The following POMZP3 variants were observed in gnomAD, a reference collection of about 807,000 sequenced individuals.
POMZP3 encodes the protein POM121 and ZP3 fusion protein.
POMZP3 carries 10 observed loss-of-function variants against 19.8 expected under a neutral mutation model. The observed-to-expected ratio is 0.51, with a 90% CI of 0.31 to 0.86. The LOEUF (loss-of-function observed/expected upper bound fraction) is 0.86, where lower values mean the gene tolerates loss of function less well. Ranked by LOEUF, POMZP3 falls within the 40% of genes least tolerant of loss-of-function variation. POMZP3 has a pLI of 0.04. For synonymous variants in POMZP3, 57 were observed against 85.8 expected, an observed-to-expected ratio of 0.66 and a Z score of 1.85; for missense variants, 152 against 228.1, an observed-to-expected ratio of 0.67 and a Z score of 2.15.
Position 76,611,707 on chromosome 7 carries a change from A to G in POMZP3, c.437+15T>C, listed in dbSNP as rs763097436. On this transcript the variant is annotated intron_variant, in intron 5 of 6. Coordinates refer to ENST00000310842, the MANE Select transcript of POMZP3 (RefSeq NM_012230.5). Reference sequence around the variant, plus strand: ...GATTCAGTTTCTACTCCAGTCACGGAGCACCTGTCCTCACCTGTTGGAAGG... The same window carrying G: ...GATTCAGTTTCTACTCCAGTCACGGGGCACCTGTCCTCACCTGTTGGAAGG... 1.4e-5 allele frequency: 20 copies of G among 1,457,056 alleles called. 1 individual carries two copies. The Admixed American group carries it at 3.4e-4, about 25-fold the overall frequency. 90.3% of individuals were successfully genotyped at this position (1,457,056 alleles called of 1,614,324 possible). A position where few individuals can be genotyped will look rare whatever the true frequency, so the allele number is the denominator to read the frequency against.
In POMZP3 at chr7:76,626,079, G is replaced by A. The variant is rs1313158685; in HGVS notation, c.-15C>T. 5 of 1,613,672 alleles carry A rather than the reference G, an allele frequency of 3.1e-6. No homozygotes were observed. In the African/African-American group the frequency reaches 4.0e-5, roughly 13 times the overall value. Reference sequence around the variant, plus strand: ...CTACACACCATCCTGGAGTTGCGAGGGGACAGCACAGCCTTCTTGTGATAA... The same window carrying A: ...CTACACACCATCCTGGAGTTGCGAGAGGACAGCACAGCCTTCTTGTGATAA... On this transcript the variant is annotated 5_prime_UTR_variant, in exon 2 of 7. Transcript: ENST00000310842.
At chr7:76,622,978 C>T (rs1269640314) in intron 3 of POMZP3, among the ~76,000 whole-genome samples, 2 of 151,656 alleles carry the variant, frequency 1.3e-5, no homozygotes, top group Non-Finnish European at 2.9e-5. Flanking sequence ...CTCAAGTGAT[C>T]CTCCCACCTC....
rs1171607906 is a variant in POMZP3, at chr7:76,613,991, A to G, written c.346-2178T>C. ...TTGCAGCAGAAGCCTCAGAGCCACA[A>G]GCCTCAGTCACCACCTAGTGGCCGA... On this transcript the variant is annotated intron_variant, in intron 4 of 6. Coordinates refer to ENST00000310842, the MANE Select transcript of POMZP3 (RefSeq NM_012230.5). Among the ~76,000 whole-genome samples, 2 of 90,604 alleles carry G rather than the reference A, an allele frequency of 2.2e-5. 1 individual carries two copies. Among genetic ancestry groups the G allele is most frequent in the East Asian group, 5.2e-4 (2 of 3,878 alleles). The allele number at this position is 90,604 out of a possible 152,430, so 59.4% of individuals were successfully genotyped here.
chr7:76,622,460 C>G (rs1309459115), intron 3 of POMZP3, among the ~76,000 whole-genome samples: 1 of 138,052 alleles, frequency 7.2e-6, no homozygotes, highest in African/African-American at 2.8e-5. Context: ...CTCACTGCAA[C>G]CTCCGCCCCA....
At chr7:76,624,634 CG>C (rs1330792651) in intron 3 of POMZP3, among the ~76,000 whole-genome samples, 1 of 147,298 alleles carries the variant, frequency 6.8e-6, no homozygotes, top group African/African-American at 2.5e-5. Context: ...TTAGTAGAGA[CG>C]GGGTTTCACC....
Position 76,626,830 on chromosome 7 carries a change from C to T in POMZP3, c.-274G>A. ...GCGGCGCCGGGCGGGCGGGCGGCGG[C>T]CAGGCCTATTCCGCAGGTCCTGGCC... On this transcript the variant is annotated 5_prime_UTR_variant, in exon 1 of 7. Transcript: ENST00000310842. The T allele has an allele frequency of 7.3e-7, 1 of 1,374,532 alleles. No homozygotes were observed. Among genetic ancestry groups the T allele is most frequent in the Non-Finnish European group, 9.3e-7 (1 of 1,074,992 alleles). 85.1% of individuals were successfully genotyped at this position (1,374,532 alleles called of 1,614,324 possible). A position where few individuals can be genotyped will look rare whatever the true frequency, so the allele number is the denominator to read the frequency against.
At chr7:76,610,876 A>AT (rs1195861217) in intron 6 of POMZP3, among the ~76,000 whole-genome samples, 5 of 101,930 alleles carry the variant, frequency 4.9e-5, no homozygotes, top group Admixed American at 2.8e-4. Context: ...CCAGATTATT[A>AT]TTATTTTTTT....
chr7:76,610,916 C>T (rs1186036057), intron 6 of POMZP3, among the ~76,000 whole-genome samples: 1 of 146,504 alleles, frequency 6.8e-6, no homozygotes, highest in Non-Finnish European at 1.5e-5. Context: ...CTCTTGTTGC[C>T]CAGGCTGGAG....
In POMZP3 at chr7:76,622,252, C is replaced by T. The variant is rs200079668; in HGVS notation, c.227+3270G>A. On this transcript the variant is annotated intron_variant, in intron 3 of 6. Coordinates refer to ENST00000310842, the MANE Select transcript of POMZP3 (RefSeq NM_012230.5). ...GAATGGTCATTCTTTCATTCCTCTA[C>T]TGTCTTAATAAACTTGCGTTCACTT... is the stretch of plus-strand genomic sequence containing the variant. Among the ~76,000 whole-genome samples, 1,826 of 151,918 alleles carry T rather than the reference C, an allele frequency of 0.012. 6 individuals carry two copies. In the East Asian group the frequency reaches 0.12, roughly 10 times the overall value.
At chr7:76,625,495 G>A (rs1815826377) in intron 3 of POMZP3, 27 bp downstream of exon 3, 1 of 1,608,894 alleles carries the variant, frequency 6.2e-7, no homozygotes, top group South Asian at 1.1e-5. Context: ...GCGGGAAACT[G>A]GCTTAGTACT....
In POMZP3 at chr7:76,611,475, G is replaced by A. The variant is rs766010654; in HGVS notation, c.554C>T (p.Ala185Val). The change falls in exon 6 of 7, where the codon GCT (alanine) becomes GTT (valine). Residue 185 changes from alanine to valine, a missense_variant. Physicochemically the swap from Ala to Val is moderately conservative, Grantham distance 64. Around this residue, in one of 4 missense-constraint regions of POMZP3, gnomAD observed 65 missense variants for 86.2 expected, o/e 0.75. Coordinates refer to ENST00000310842, the MANE Select transcript of POMZP3 (RefSeq NM_012230.5). ...ATACCATGCCTGCGGTTACAGGGAAGCAGACGTGGACCACTGGCTCACGAC... is the reference window on the plus strand; with the variant it reads ...ATACCATGCCTGCGGTTACAGGGAAACAGACGTGGACCACTGGCTCACGAC... ...PRVVSQWSTS[A>V]SL The A allele has an allele frequency of 1.2e-6, 2 of 1,601,618 alleles. No individual in the cohort carries two copies. The highest frequency in any genetic ancestry group is 1.7e-6 in the Non-Finnish European group (2 of 1,170,960).
rs192562971 is a variant in POMZP3 at position 76,611,462 on chromosome 7, C to G, written c.*3G>C. The stretch of plus-strand genomic sequence containing the variant: ...GCCATTCTATGACATACCATGCCTG[C>G]GGTTACAGGGAAGCAGACGTGGACC... On this transcript the variant is annotated 3_prime_UTR_variant, in exon 6 of 7. Transcript: ENST00000310842. The G allele has an allele frequency of 9.2e-4, 1,426 of 1,550,288 alleles. 40 individuals carry two copies. The African/African-American group carries it at 0.021, about 22-fold the overall frequency.
At chr7:76,624,279 T>C (rs1452990427) in intron 3 of POMZP3, among the ~76,000 whole-genome samples, 2 of 150,450 alleles carry the variant, frequency 1.3e-5, no homozygotes, top group Admixed American at 1.3e-4. Context: ...CCAGGCGTGG[T>C]GGCTCATGCC....
At chr7:76,621,706 T>C (rs1052115527) in intron 3 of POMZP3, among the ~76,000 whole-genome samples, 3 of 151,636 alleles carry the variant, frequency 2.0e-5, no homozygotes, top group African/African-American at 7.3e-5. Flanking sequence ...TTTGGGAGGC[T>C]GAGGCGGGCG....
chr7:76,624,744 C>G (rs1158485237), intron 3 of POMZP3, among the ~76,000 whole-genome samples: 1 of 151,164 alleles, frequency 6.6e-6, no homozygotes, highest in Non-Finnish European at 1.5e-5. Context: ...CCTTGCCCTT[C>G]CAGGAAATTG....
At position 76,624,666 on chromosome 7, in the gene POMZP3, G is replaced by A. The variant is rs572524094; in HGVS notation, c.227+856C>T. Among the ~76,000 whole-genome samples, 6 of 146,566 alleles carry A rather than the reference G, an allele frequency of 4.1e-5. No homozygotes were observed. The South Asian group carries it at 7.1e-4, about 17-fold the overall frequency. On this transcript the variant is annotated intron_variant, in intron 3 of 6. Transcript: ENST00000310842. ...TCACCATGTTGGCCAGGCTGGTCTC[G>A]AACTCCTGACCTCAGGTGATCCACC...
Position 76,626,712 on chromosome 7 carries a change from G to C in POMZP3, c.-156C>G. 1 of 1,384,010 alleles carries C rather than the reference G, an allele frequency of 7.2e-7. No individual in the cohort carries two copies. Among genetic ancestry groups the C allele is most frequent in the Non-Finnish European group, 9.3e-7 (1 of 1,076,470 alleles). The allele number at this position is 1,384,010 out of a possible 1,614,324, so 85.7% of individuals were successfully genotyped here. A position where few individuals can be genotyped will look rare whatever the true frequency, so the allele number is the denominator to read the frequency against. ...GGGAAAATCAGCGCATCTCACCGTG[G>C]GGAAGGCCTCCCGGAGGGTCGGAGA... On this transcript the variant is annotated 5_prime_UTR_variant, in exon 1 of 7. Coordinates refer to ENST00000310842, the MANE Select transcript of POMZP3 (RefSeq NM_012230.5).
chr7:76,624,903 C>T lies in POMZP3; in HGVS notation c.227+619G>A, dbSNP rs759255420. ...ATCCCAGCACTTTGGGAGGCCAAGG[C>T]GGGCAGATCACGAGGTCAGGAGTTC... On this transcript the variant is annotated intron_variant, in intron 3 of 6. Transcript: ENST00000310842. Among the ~76,000 whole-genome samples, 320 of 150,580 alleles carry T rather than the reference C, an allele frequency of 2.1e-3. 1 individual carries two copies. The highest frequency in any genetic ancestry group is 0.013 in the East Asian group (65 of 5,020).
At chr7:76,624,591 ACC>A in intron 3 of POMZP3, among the ~76,000 whole-genome samples, 1 of 150,470 alleles carries the variant, frequency 6.6e-6, no homozygotes, top group East Asian at 2.0e-4. Context: ...GACTACAGGC[ACC>A]TACCACCACA....
Sources: allele counts gnomAD v4.1 joint callset (sites outside exome capture counted in the v4.1 genomes callset), GRCh38; gene constraint gnomAD v4.1.1; regional missense constraint gnomAD v4.1.1; transcripts MANE v1.5; gene names NCBI Gene and HGNC (gene_info 2026-07-23, HGNC 2026-07-21).